The following TRAK1 variants were observed in gnomAD, a reference collection of about 807,000 sequenced individuals.
TRAK1 encodes trafficking kinesin-binding protein 1.
A neutral mutation model predicts 92.1 loss-of-function variants in TRAK1; 33 were observed. The ratio of observed to expected loss-of-function variants is 0.36; its 90% CI spans 0.27 to 0.48. The LOEUF (loss-of-function observed/expected upper bound fraction) is 0.48, where lower values mean the gene tolerates loss of function less well. Ranked by LOEUF, TRAK1 falls within the 20% of genes least tolerant of loss-of-function variation. TRAK1 has a pLI of 0.99. For missense variants in TRAK1, 1,123 were observed against 1,257.9 expected (o/e 0.89, Z 1.62); for synonymous variants, 521 against 517.3 (o/e 1.01, Z -0.10).
chr3:42,210,661 A>G (rs1196793103), intron 14 of TRAK1: 7 of 997,150 alleles, frequency 7.0e-6, no homozygotes. Flanking sequence ...CAGCCTTTTC[A>G]CTTTCCCAGC....
intron 2 of TRAK1, among the ~76,000 whole-genome samples, chr3:42,169,863 A>G (rs539274253): frequency 5.9e-5 from 9 of 152,310 alleles, no homozygotes; most frequent in Admixed American, 2.6e-4. Flanking sequence ...AGATTTTACA[A>G]AAGTGGGCAG....
chr3:42,201,862 G>A (rs541225736), intron 12 of TRAK1, among the ~76,000 whole-genome samples: 45 of 138,692 alleles, frequency 3.2e-4, no homozygotes, highest in African/African-American at 1.1e-3. Flanking sequence ...CTGGACGGAC[G>A]GACGGACGGA....
At chr3:42,213,381 A>G (rs1349493284) in intron 14 of TRAK1, among the ~76,000 whole-genome samples, 1 of 152,196 alleles carries the variant, frequency 6.6e-6, no homozygotes, top group Non-Finnish European at 1.5e-5. Context: ...TAAAGTCAGA[A>G]TGGAAGACAA....
chr3:42,194,109 T>TA (rs1706225534), intron 9 of TRAK1, among the ~76,000 whole-genome samples: 1 of 152,248 alleles, frequency 6.6e-6, no homozygotes, highest in African/African-American at 2.4e-5. Context: ...GGCAGGGCTC[T>TA]ACACCAGCTG....
intron 2 of TRAK1, among the ~76,000 whole-genome samples, chr3:42,164,680 T>G (rs1701656478): frequency 6.6e-6 from 1 of 152,244 alleles, no homozygotes; most frequent in Non-Finnish European, 1.5e-5. Context: ...CTCACTGTCT[T>G]TCCAGGGAGA....
chr3:42,144,021 AT>A lies in TRAK1; in HGVS notation c.286+18409del, dbSNP rs559052226. 5.9e-5 allele frequency among the ~76,000 whole-genome samples: 9 copies of A among 152,280 alleles called. No individual in the cohort carries two copies. In the South Asian group the frequency reaches 1.9e-3, roughly 32 times the overall value. ...TCTTTCCTATTTTCTTAAAAAGTGA[AT>A]TGGATATGTGCAGCTTTGGACTTAA... is the stretch of plus-strand genomic sequence containing the variant. On this transcript the variant is annotated intron_variant, in intron 2 of 15. Coordinates refer to ENST00000327628, the MANE Select transcript of TRAK1 (RefSeq NM_001042646.3).
In TRAK1 at chr3:42,091,559, T is replaced by G; in HGVS notation, c.90T>G (p.Cys30Trp). ...CHGKLIRTNA[C>W]DVCNSTDLPE... Reference sequence around the variant, plus strand: ...GCAAGCTCATTCGGACAAACGCCTGTGGTAAGTTTGTTTGCCAGGTCTGTC... The same window carrying G: ...GCAAGCTCATTCGGACAAACGCCTGGGGTAAGTTTGTTTGCCAGGTCTGTC... The change falls in exon 1 of 16, where the codon TGT becomes TGG. Residue 30 changes from cysteine (C) to tryptophan (W), a missense_variant and splice_region_variant. Cys to Trp is a radical substitution (Grantham distance 215, BLOSUM62 -2). Transcript: ENST00000327628. 9.3e-6 allele frequency: 15 copies of G among 1,611,318 alleles called. No individual in the cohort carries two copies. The highest frequency in any genetic ancestry group is 1.2e-5 in the Non-Finnish European group (14 of 1,179,206).
intron 1 of TRAK1, among the ~76,000 whole-genome samples, chr3:42,094,079 A>T (rs557316577): frequency 6.6e-6 from 1 of 152,182 alleles, no homozygotes; most frequent in Admixed American, 6.5e-5. Flanking sequence ...GCAAATAATA[A>T]ATTATAATAG....
chr3:42,182,386 G>C (rs905664723), intron 3 of TRAK1, among the ~76,000 whole-genome samples: 4 of 151,686 alleles, frequency 2.6e-5, no homozygotes, highest in African/African-American at 9.7e-5. Context: ...CCCGCCTCCT[G>C]GGTTCAAGTG....
At chr3:42,106,284 G>T (rs979846898) in intron 1 of TRAK1, among the ~76,000 whole-genome samples, 5 of 152,144 alleles carry the variant, frequency 3.3e-5, no homozygotes, top group African/African-American at 1.2e-4. Context: ...CATCTCACGT[G>T]CAGAGACACA....
chr3:42,116,352 GTGGTA>G (rs1231235344), intron 1 of TRAK1, among the ~76,000 whole-genome samples: 1 of 152,196 alleles, frequency 6.6e-6, no homozygotes, highest in Non-Finnish European at 1.5e-5. Flanking sequence ...CACAACTTTT[GTGGTA>G]TGGAAAGTAA....
chr3:42,198,964 C>T (rs1023661542), intron 10 of TRAK1, among the ~76,000 whole-genome samples: 5 of 152,106 alleles, frequency 3.3e-5, no homozygotes, highest in Admixed American at 2.0e-4. Flanking sequence ...CACTCAGTGC[C>T]CAGTGGCACT....
intron 1 of TRAK1, among the ~76,000 whole-genome samples, chr3:42,070,981 G>T (rs1398235071): frequency 6.6e-6 from 1 of 152,214 alleles, no homozygotes; most frequent in African/African-American, 2.4e-5. Context: ...GTTATCTCCA[G>T]CCCTAGTTTC....
chr3:42,044,193 C>T (rs1702669135), intron 1 of TRAK1, among the ~76,000 whole-genome samples: 1 of 152,208 alleles, frequency 6.6e-6, no homozygotes, highest in South Asian at 2.1e-4. Context: ...CAGGGTCTTG[C>T]TCTGTCGCCC....
At position 42,184,656 on chromosome 3, in the gene TRAK1, A is replaced by G. The variant is rs575325689; in HGVS notation, c.364-29A>G. On this transcript the variant is annotated intron_variant, in intron 3 of 15. Coordinates refer to ENST00000327628, the MANE Select transcript of TRAK1 (RefSeq NM_001042646.3). Reference sequence around the variant, plus strand: ...CCTTCAGGAAACACAGGTCTTTTGAATCTCTGTTCTCCCTCTTTCCTTTTG... The same window carrying G: ...CCTTCAGGAAACACAGGTCTTTTGAGTCTCTGTTCTCCCTCTTTCCTTTTG... 111 of 1,607,082 alleles carry G rather than the reference A, an allele frequency of 6.9e-5. 1 individual carries two copies. The South Asian group carries it at 1.2e-3, about 17-fold the overall frequency.
intron 1 of TRAK1, among the ~76,000 whole-genome samples, chr3:42,095,414 CT>C (rs2148988173): frequency 6.6e-6 from 1 of 152,220 alleles, no homozygotes; most frequent in East Asian, 1.9e-4. Context: ...ATTTCATTTA[CT>C]GTTAAATGGG....
At chr3:42,210,496 G>A (rs1270951147) in intron 14 of TRAK1, 1 of 1,209,686 alleles carries the variant, frequency 8.3e-7, no homozygotes. Flanking sequence ...AGTCTAAGGG[G>A]AAGATTCTCA....
intron 1 of TRAK1, among the ~76,000 whole-genome samples, chr3:42,036,107 G>A (rs1024877787): frequency 1.3e-5 from 2 of 152,232 alleles, no homozygotes; most frequent in African/African-American, 4.8e-5. Context: ...AAGGGCATCT[G>A]TGAGAGGCTT....
At chr3:42,083,732 G>A (rs370544300), upstream of TRAK1, among the ~76,000 whole-genome samples, 3 of 152,008 alleles carry the variant, frequency 2.0e-5, no homozygotes, top group Non-Finnish European at 4.4e-5. Flanking sequence ...AAAATTAGCC[G>A]GGTATGGTGG....
Sources: gnomAD v4.1 joint callset for allele counts (sites outside exome capture counted in the v4.1 genomes callset) on GRCh38, gnomAD v4.1.1 for gene constraint, MANE v1.5 for transcripts, NCBI Gene and HGNC (gene_info 2026-07-23, HGNC 2026-07-21) for gene names.